The following PUS1 variants were observed in gnomAD, a reference collection of about 807,000 sequenced individuals.
PUS1 encodes the protein pseudouridine synthase 1.
In PUS1, 25 loss-of-function variants were observed where a neutral mutation model predicts 38.5. The ratio of observed to expected loss-of-function variants is 0.65; its 90% confidence interval spans 0.47 to 0.91. PUS1 has a LOEUF of 0.91. Among genes scored for constraint, PUS1 ranks in the 40% least tolerant of loss-of-function variants. The pLI is 0.00. For synonymous variants in PUS1, 282 were observed against 260.4 expected (o/e 1.08, Z -0.80); for missense variants, 597 against 612.3 (o/e 0.97, Z 0.26).
intron 2 of PUS1, 53 bp from the exon 3 acceptor site, chr12:131,932,122 A>C (rs1169635928): frequency 6.4e-7 from 1 of 1,554,748 alleles, no homozygotes; most frequent in Admixed American, 1.8e-5. Context: ...GGGCAACATC[A>C]TGGCGACCTC....
chr12:131,930,827 T>A (rs1404140205), intron 2 of PUS1, among the ~76,000 whole-genome samples: 1 of 152,104 alleles, frequency 6.6e-6, no homozygotes, highest in Non-Finnish European at 1.5e-5. Flanking sequence ...GGTGTCTTGC[T>A]AAGTTTTTTA....
chr12:131,931,729 C>T, intron 2 of PUS1: 1 of 223,216 alleles, frequency 4.5e-6, no homozygotes, highest in Non-Finnish European at 9.0e-6. Flanking sequence ...CAGAGTTTCA[C>T]CATGTTGGCC....
intron 3 of PUS1, among the ~76,000 whole-genome samples, chr12:131,934,046 G>A (rs924847123): frequency 6.6e-6 from 1 of 152,206 alleles, no homozygotes; most frequent in Admixed American, 6.5e-5. Context: ...GGAGAGGAAG[G>A]ACAGCATACG....
Position 131,930,064 on chromosome 12 carries a change from C to G in PUS1, c.232C>G (p.Arg78Gly), listed in dbSNP as rs745516363. ...KLKSGGDEERREKPPKRKIVL... is the reference protein window; with the variant it reads ...KLKSGGDEERGEKPPKRKIVL... ...CAAGAGCGGTGGCGACGAGGAGCGG[C>G]GCGAGAAGCCGCCCAAGCGGAAGAT... Residue 78 changes from arginine (R) to glycine (G), a missense_variant, in exon 2 of 6, where the codon CGC (arginine) becomes GGC (glycine). Arg to Gly is a moderately radical substitution (Grantham distance 125). Coordinates refer to ENST00000376649, the MANE Select transcript of PUS1 (RefSeq NM_025215.6). 1.4e-5 allele frequency: 20 copies of G among 1,436,450 alleles called. No homozygotes were observed. Among genetic ancestry groups the G allele is most frequent in the Non-Finnish European group, 1.5e-5 (16 of 1,095,044 alleles). 89.0% of individuals were successfully genotyped at this position (1,436,450 alleles called of 1,614,324 possible). A position where few individuals can be genotyped will look rare whatever the true frequency, so the allele number is the denominator to read the frequency against.
At position 131,941,338 on chromosome 12, in the gene PUS1, T is replaced by C. The variant is rs2136443294; in HGVS notation, c.591T>C (p.Asp197=). The change falls in exon 5 of 6, where the codon GAT becomes GAC. Residue 197 remains aspartate, a synonymous_variant. Coordinates refer to ENST00000376649, the MANE Select transcript of PUS1 (RefSeq NM_025215.6). This position sits in a 1 kb window ranked among gnomAD's most constrained non-coding sequence, Gnocchi z 4.4. ...TGGFNSKNRC[D]ARTYCYLLPT... Reference sequence around the variant, plus strand: ...GGTTTAACTCCAAGAACAGATGTGATGCCAGGACCTATTGCTACCTGCTGC... The same window carrying C: ...GGTTTAACTCCAAGAACAGATGTGACGCCAGGACCTATTGCTACCTGCTGC... 1.9e-6 allele frequency: 3 copies of C among 1,614,208 alleles called. No homozygotes were observed. The highest frequency in any genetic ancestry group is 2.5e-6 in the Non-Finnish European group (3 of 1,180,038).
At chr12:131,939,076 G>T (rs1890954935) in intron 3 of PUS1, 97 bp from the exon 4 acceptor site, 5 of 809,760 alleles carry the variant, frequency 6.2e-6, no homozygotes, top group Admixed American at 6.0e-5. Flanking sequence ...ATTCATGTGT[G>T]AAATGACGTA....
Position 131,929,728 on chromosome 12 carries a change from C to A in PUS1, c.6C>A (p.Gly2=), listed in dbSNP as rs150826376. The A allele has an allele frequency of 5.0e-6, 8 of 1,590,470 alleles. No individual in the cohort carries two copies. In the African/African-American group the frequency reaches 1.1e-4, roughly 21 times the overall value. M[G]LQLRALLGAF... Reference sequence around the variant, plus strand: ...GGTGCACTGGTAGCCTGCGCATGGGCCTCCAGCTTCGCGCGCTGTTGGGAG... The same window carrying A: ...GGTGCACTGGTAGCCTGCGCATGGGACTCCAGCTTCGCGCGCTGTTGGGAG... The change falls in exon 1 of 6, where the codon GGC becomes GGA. Residue 2 remains glycine, a synonymous_variant. Coordinates refer to ENST00000376649, the MANE Select transcript of PUS1 (RefSeq NM_025215.6).
rs554815640 is a variant in PUS1 at position 131,943,750 on chromosome 12, C to T, written c.*164C>T. On this transcript the variant is annotated 3_prime_UTR_variant, in exon 6 of 6. Coordinates refer to ENST00000376649, the MANE Select transcript of PUS1 (RefSeq NM_025215.6). ...CTTCCCTTGTAGGAACAGCCTTTCT[C>T]GAATCTGTTTTCAGCTCTTGCATTG... 8.8e-5 allele frequency: 58 copies of T among 658,520 alleles called. No individual in the cohort carries two copies. The highest frequency in any genetic ancestry group is 7.3e-4 in the African/African-American group (41 of 56,028). 40.8% of individuals were successfully genotyped at this position (658,520 alleles called of 1,614,324 possible).
At chr12:131,936,433 C>CACGCCTGT (rs71076407) in intron 3 of PUS1, among the ~76,000 whole-genome samples, 120,410 of 150,364 alleles carry the variant, frequency 0.8, 48,674 homozygotes, top group Middle Eastern at 0.85. Context: ...TGTGGTGGTG[C>CACGCCTGT]ACGCCTGTAA....
chr12:131,940,430 G>A (rs779423803), intron 4 of PUS1, among the ~76,000 whole-genome samples: 1 of 152,154 alleles, frequency 6.6e-6, no homozygotes, highest in Non-Finnish European at 1.5e-5. Context: ...GGTGTGCCAC[G>A]GATTGTTTAT....
intron 5 of PUS1, among the ~76,000 whole-genome samples, chr12:131,943,069 C>G (rs1443152906): frequency 6.6e-6 from 1 of 152,222 alleles, no homozygotes; most frequent in African/African-American, 2.4e-5. Flanking sequence ...TAAATGTTAT[C>G]AAGGGAAACC....
In PUS1 at chr12:131,932,214, G is replaced by A. The variant is rs1352002560; in HGVS notation, c.343G>A (p.Asp115Asn). The change falls in exon 3 of 6, where the codon GAC (aspartate) becomes AAC (asparagine). Residue 115 changes from aspartate (D) to asparagine (N), a missense_variant. Coordinates refer to ENST00000376649, the MANE Select transcript of PUS1 (RefSeq NM_025215.6). ...GSSQFKTIED[D>N]LVSALVRSGC... ...CTCACAATTCAAAACAATTGAAGAT[G>A]ACTTGGTGTCCGCCCTCGTCCGGTC... The A allele has an allele frequency of 6.2e-7, 1 of 1,614,078 alleles. No homozygotes were observed. Among genetic ancestry groups the A allele is most frequent in the East Asian group, 2.2e-5 (1 of 44,882 alleles).
chr12:131,929,835 C>T (rs752591114), intron 1 of PUS1, 39 bp downstream of exon 1: 2 of 1,512,686 alleles, frequency 1.3e-6, no homozygotes, highest in Non-Finnish European at 1.8e-6. Flanking sequence ...CTATGCCCGC[C>T]CAGCCCAGCC....
intron 3 of PUS1, among the ~76,000 whole-genome samples, chr12:131,933,173 G>A (rs865892936): frequency 1.3e-5 from 2 of 151,290 alleles, no homozygotes; most frequent in South Asian, 4.2e-4. Flanking sequence ...GGAATGACAG[G>A]CACTCCACCA....
intron 3 of PUS1, among the ~76,000 whole-genome samples, chr12:131,936,131 A>G (rs1391717571): frequency 1.3e-5 from 2 of 151,520 alleles, no homozygotes; most frequent in African/African-American, 4.8e-5. Flanking sequence ...GAATTGCGTG[A>G]ACCTGGGAGG....
intron 3 of PUS1, among the ~76,000 whole-genome samples, chr12:131,933,286 G>A (rs531739095): frequency 8.0e-5 from 12 of 150,666 alleles, no homozygotes; most frequent in East Asian, 3.9e-4. Context: ...CCACCTTGGC[G>A]TCCCAAAGTA....
rs1891037075 is a variant in PUS1 at position 131,941,029 on chromosome 12, C to T, written c.545-263C>T. ...TCTTTGTGTTGGAGACATTCCGTAT[C>T]TTCTCACTATTGGAAAATTACAATA... is the stretch of plus-strand genomic sequence containing the variant. On this transcript the variant is annotated intron_variant, in intron 4 of 5. Coordinates refer to ENST00000376649, the MANE Select transcript of PUS1 (RefSeq NM_025215.6). This position sits in a 1 kb window ranked among gnomAD's most constrained non-coding sequence, Gnocchi z 4.4. 1 of 537,418 alleles carries T rather than the reference C, an allele frequency of 1.9e-6. No homozygotes were observed. Among genetic ancestry groups the T allele is most frequent in the Non-Finnish European group, 3.4e-6 (1 of 298,210 alleles). 33.3% of individuals were successfully genotyped at this position (537,418 alleles called of 1,614,324 possible).
chr12:131,929,986 CG>C lies in PUS1; in HGVS notation c.157del (p.Ala53ProfsTer82). 6.7e-7 allele frequency: 1 copy of C among 1,496,070 alleles called. No individual in the cohort carries two copies. Among genetic ancestry groups the C allele is most frequent in the Non-Finnish European group, 8.8e-7 (1 of 1,134,096 alleles). The allele number at this position is 1,496,070 out of a possible 1,614,324, so 92.7% of individuals were successfully genotyped here. A position where few individuals can be genotyped will look rare whatever the true frequency, so the allele number is the denominator to read the frequency against. ...CPQDRRSCSG[R>X]AGGDRVWEDG... ...CCAGGACCGGAGGTCCTGCAGCGGC[CG>C]GGCCGGGGGCGACCGCGTCTGGGAG... On this transcript the variant is annotated frameshift_variant, in exon 2 of 6. Transcript: ENST00000376649. LOFTEE classifies it high-confidence loss of function.
At chr12:131,931,037 T>C (rs184250873) in intron 2 of PUS1, among the ~76,000 whole-genome samples, 1 of 152,368 alleles carries the variant, frequency 6.6e-6, no homozygotes, top group Non-Finnish European at 1.5e-5. Flanking sequence ...TTAAACATCT[T>C]TAAACATTTC....
Sources: gnomAD v4.1 joint callset for allele counts (sites outside exome capture counted in the v4.1 genomes callset) on GRCh38, gnomAD v4.1.1 for gene constraint, Gnocchi (gnomAD v3.1) non-coding constraint, MANE v1.5 for transcripts, NCBI Gene and HGNC (gene_info 2026-07-23, HGNC 2026-07-21) for gene names.